NDEL1: variants seen among roughly 807,000 people sequenced by gnomAD.
The protein encoded by NDEL1 is nudE neurodevelopment protein 1 like 1.
A neutral mutation model predicts 45.7 loss-of-function variants in NDEL1; 9 were observed. The ratio of observed to expected loss-of-function variants is 0.20; its 90% CI spans 0.12 to 0.34. The LOEUF (loss-of-function observed/expected upper bound fraction) is 0.34. Ranked by LOEUF, NDEL1 falls within the 10% of genes least tolerant of loss-of-function variation. The pLI, the probability that NDEL1 is intolerant of heterozygous loss-of-function variation, is 1.00. For synonymous variants in NDEL1, 133 were observed against 158.6 expected (o/e 0.84, Z 1.21); for missense variants, 306 against 406.2 (o/e 0.75, Z 2.12).
At chr17:8,468,541 T>A (rs1047723686), downstream of NDEL1, among the ~76,000 whole-genome samples, 9 of 152,234 alleles carry the variant, frequency 5.9e-5, no homozygotes, top group Admixed American at 2.0e-4. Flanking sequence ...GGATTAGAAG[T>A]CGCTTCGAAC....
upstream of NDEL1, among the ~76,000 whole-genome samples, chr17:8,433,214 G>A (rs1395436673): frequency 6.6e-6 from 1 of 152,200 alleles, no homozygotes. Flanking sequence ...CACCCATTGG[G>A]TGGAAAGTTA....
chr17:8,446,668 C>CT, intron 3 of NDEL1, 86 bp from the exon 4 acceptor site: 1 of 1,446,840 alleles, frequency 6.9e-7, no homozygotes, highest in Non-Finnish European at 9.4e-7. Flanking sequence ...CCTTGGGTTC[C>CT]CCCCCACCCT....
chr17:8,459,964 A>G, intron 7 of NDEL1, 45 bp from the exon 8 acceptor site: 1 of 1,571,550 alleles, frequency 6.4e-7, no homozygotes, highest in Non-Finnish European at 8.6e-7. Flanking sequence ...TTTTATGTGC[A>G]GCTACTGTTT....
chr17:8,466,845 A>G (rs1259431607), intron 8 of NDEL1, 85 bp from the exon 9 acceptor site: 2 of 1,339,240 alleles, frequency 1.5e-6, no homozygotes, highest in Admixed American at 3.5e-5. Context: ...TAGAAAGCAG[A>G]TTAATTTCCT....
At chr17:8,423,454 C>T (rs1056040238) in intron 1 of NDEL1, among the ~76,000 whole-genome samples, 6 of 152,230 alleles carry the variant, frequency 3.9e-5, no homozygotes, top group East Asian at 1.9e-4. Context: ...GAGGCTGAGA[C>T]GGGCAGATTG....
intron 1 of NDEL1, among the ~76,000 whole-genome samples, chr17:8,423,011 G>T (rs1327077412): frequency 4.6e-5 from 7 of 152,184 alleles, no homozygotes; most frequent in Non-Finnish European, 1.5e-5. Context: ...TTACAGGCAT[G>T]AGCCACTGCG....
Position 8,460,090 on chromosome 17 carries a change from A to T in NDEL1, c.874A>T (p.Asn292Tyr). The T allele has an allele frequency of 6.2e-7, 1 of 1,614,222 alleles. No individual in the cohort carries two copies. Among genetic ancestry groups the T allele is most frequent in the Non-Finnish European group, 8.5e-7 (1 of 1,180,032 alleles). ...SRKSYISGNV[N>Y]CGVLNGNGTK... ...AAAATCCTATATTTCAGGGAATGTT[A>T]ACTGTGGGGTGCTGAATGGCAATGG... is the stretch of plus-strand genomic sequence containing the variant. The change falls in exon 8 of 9, where the codon AAC becomes TAC. Residue 292 changes from asparagine (N) to tyrosine (Y), a missense_variant. This residue lies in a region of NDEL1 where 175 missense variants were observed against 205.2 expected (regional missense o/e 0.85). Coordinates refer to ENST00000334527, the MANE Select transcript of NDEL1 (RefSeq NM_030808.5).
intron 1 of NDEL1, among the ~76,000 whole-genome samples, chr17:8,419,015 T>C (rs1465543614): frequency 6.6e-6 from 1 of 150,588 alleles, no homozygotes; most frequent in Non-Finnish European, 1.5e-5. Flanking sequence ...TGCCTGGCTA[T>C]TTTTTTTTAT....
At chr17:8,444,959 ACTAAG>A (rs2151716097) in intron 2 of NDEL1, 1 of 152,346 alleles carries the variant, frequency 6.6e-6, no homozygotes, top group African/African-American at 2.4e-5. Context: ...AACAGAGTTT[ACTAAG>A]TCTTATCAAA....
Position 8,415,847 on chromosome 17 carries a change from A to G in NDEL1, c.-13+2578A>G, listed in dbSNP as rs559393739. On this transcript the variant is annotated intron_variant, in intron 1 of 4. Coordinates refer to the NDEL1 transcript ENST00000582812. ...ACTGCAACCTCTGTCTCCCAGGTTC[A>G]AGCGATTCTCCTGCCTCAGCCTCCT... 2.6e-5 allele frequency among the ~76,000 whole-genome samples: 4 copies of G among 151,946 alleles called. No homozygotes were observed. In the East Asian group the frequency reaches 7.7e-4, roughly 29 times the overall value.
intron 7 of NDEL1, among the ~76,000 whole-genome samples, chr17:8,456,699 A>G: frequency 6.6e-6 from 1 of 152,078 alleles, no homozygotes; most frequent in Non-Finnish European, 1.5e-5. Flanking sequence ...GGGTTTCACC[A>G]TGTTGGCCAT....
At chr17:8,428,364 T>TGTA (rs1908900924) in intron 1 of NDEL1, among the ~76,000 whole-genome samples, 1 of 105,570 alleles carries the variant, frequency 9.5e-6, no homozygotes, top group Admixed American at 9.9e-5. Flanking sequence ...GTGTGTGTAT[T>TGTA]TTTTTTTTTT....
At chr17:8,439,528 A>G (rs1909598290) in intron 1 of NDEL1, among the ~76,000 whole-genome samples, 1 of 151,896 alleles carries the variant, frequency 6.6e-6, no homozygotes, top group Non-Finnish European at 1.5e-5. Context: ...TGCTAGGATT[A>G]TAGGCATGAG....
chr17:8,445,896 G>A (rs1910051135), intron 3 of NDEL1, 32 bp downstream of exon 3: 4 of 1,399,936 alleles, frequency 2.9e-6, no homozygotes, highest in Non-Finnish European at 3.7e-6. Flanking sequence ...GGGGTCTAAT[G>A]TGTTGAGTTT....
chr17:8,447,026 T>C, intron 4 of NDEL1, 124 bp downstream of exon 4: 2 of 1,225,984 alleles, frequency 1.6e-6, no homozygotes, highest in Non-Finnish European at 2.2e-6. Context: ...TCATGTCACC[T>C]GTAACTCATC....
At position 8,444,246 on chromosome 17, in the gene NDEL1, T is replaced by A. The variant is rs1042022532; in HGVS notation, c.-12-14T>A. The A allele has an allele frequency of 6.5e-7, 1 of 1,533,218 alleles. No individual in the cohort carries two copies. The highest frequency in any genetic ancestry group is 1.4e-5 in the African/African-American group (1 of 72,900). The allele number at this position is 1,533,218 out of a possible 1,614,324, so 95.0% of individuals were successfully genotyped here. A position where few individuals can be genotyped will look rare whatever the true frequency, so the allele number is the denominator to read the frequency against. On this transcript the variant is annotated splice_polypyrimidine_tract_variant and intron_variant, in intron 1 of 8. Coordinates refer to ENST00000334527, the MANE Select transcript of NDEL1 (RefSeq NM_030808.5). The stretch of plus-strand genomic sequence containing the variant: ...GTTCTCTAATTTGTTAAGTTTGTCT[T>A]TAATATTTCACAGGCTTTCTTGATC...
Position 8,454,804 on chromosome 17 carries a change from A to G in NDEL1, c.709A>G (p.Asn237Asp), listed in dbSNP as rs777065706. Reference protein sequence around the residue: ...NTFPSPKAIPNGFGTSPLTPS... With the variant: ...NTFPSPKAIPDGFGTSPLTPS... ...CTTTTATTTTTCTCTAGCTATACCA[A>G]ATGGTTTTGGTACCAGTCCACTAAC... Residue 237 changes from asparagine to aspartate, a missense_variant, in exon 7 of 9, where the codon AAT becomes GAT. By Grantham distance (23) the Asn-to-Asp change is conservative. Coordinates refer to ENST00000334527, the MANE Select transcript of NDEL1 (RefSeq NM_030808.5). 4 of 1,612,854 alleles carry G rather than the reference A, an allele frequency of 2.5e-6. No homozygotes were observed. The highest frequency in any genetic ancestry group is 3.4e-5 in the Admixed American group (2 of 59,596).
intron 8 of NDEL1, among the ~76,000 whole-genome samples, chr17:8,460,413 TG>T (rs1245213670): frequency 6.6e-6 from 1 of 152,188 alleles, no homozygotes; most frequent in Non-Finnish European, 1.5e-5. Flanking sequence ...TGTGAGGCTC[TG>T]GTGAGTCAAA....
rs1909947193 is a variant in NDEL1 at position 8,444,373 on chromosome 17, A to G, written c.86+16A>G. ...ATAAGCAAAGGTAATGTTGGAAAGC[A>G]CACTAAAAGTAGGGGAGGGCATTTG... On this transcript the variant is annotated intron_variant, in intron 2 of 8. Coordinates refer to ENST00000334527, the MANE Select transcript of NDEL1 (RefSeq NM_030808.5). 1.3e-6 allele frequency: 2 copies of G among 1,575,074 alleles called. No homozygotes were observed. Among genetic ancestry groups the G allele is most frequent in the Non-Finnish European group, 1.7e-6 (2 of 1,146,850 alleles).
Sources: gnomAD v4.1 joint callset for allele counts (sites outside exome capture counted in the v4.1 genomes callset) on GRCh38, gnomAD v4.1.1 for gene constraint, gnomAD v4.1.1 regional missense constraint, MANE v1.5 for transcripts, NCBI Gene and HGNC (gene_info 2026-07-23, HGNC 2026-07-21) for gene names.